The following SLC16A9 variants were observed in gnomAD, a reference collection of about 807,000 sequenced individuals.
SLC16A9 encodes the protein solute carrier family 16 member 9, also known as monocarboxylate transporter 9.
SLC16A9 carries 26 observed loss-of-function variants against 44.3 expected under a neutral mutation model. That is an observed-to-expected ratio of 0.59 (90% CI 0.43 to 0.81). The LOEUF (loss-of-function observed/expected upper bound fraction) is 0.81, where lower values mean the gene tolerates loss of function less well. SLC16A9 is among the 40% of genes least tolerant of loss of function. SLC16A9 has a pLI of 0.00. For synonymous variants in SLC16A9, 230 were observed against 225.1 expected, an observed-to-expected ratio of 1.02 and a Z score of -0.19; for missense variants, 559 against 595.8, an observed-to-expected ratio of 0.94 and a Z score of 0.64.
chr10:59,656,454 T>C (rs140031912), intron 4 of SLC16A9, among the ~76,000 whole-genome samples: 88 of 152,296 alleles, frequency 5.8e-4, no homozygotes, highest in African/African-American at 2.0e-3. Flanking sequence ...GTCAACATGA[T>C]GAAAATCAAT....
At chr10:59,682,736 A>G (rs1350716094) in intron 2 of SLC16A9, among the ~76,000 whole-genome samples, 5 of 152,218 alleles carry the variant, frequency 3.3e-5, no homozygotes, top group Admixed American at 6.5e-5. Flanking sequence ...TTAGAAATCA[A>G]TACATTCAAA....
chr10:59,674,742 C>G (rs1429856607), intron 2 of SLC16A9, among the ~76,000 whole-genome samples: 1 of 152,158 alleles, frequency 6.6e-6, no homozygotes, highest in Non-Finnish European at 1.5e-5. Context: ...GGAATTGAAA[C>G]ACACAGAGAT....
intron 1 of SLC16A9, among the ~76,000 whole-genome samples, chr10:59,703,927 T>A (rs921447340): frequency 2.0e-5 from 3 of 152,102 alleles, no homozygotes; most frequent in Admixed American, 6.5e-5. Flanking sequence ...TTTCGCCCTG[T>A]TAGCCAGGAT....
At chr10:59,659,147 T>C (rs1055784767) in intron 4 of SLC16A9, among the ~76,000 whole-genome samples, 8 of 152,224 alleles carry the variant, frequency 5.3e-5, no homozygotes, top group African/African-American at 1.4e-4. Flanking sequence ...TGCTTTTATA[T>C]TTAAAAATTA....
At chr10:59,682,530 C>G (rs1182212696) in intron 2 of SLC16A9, among the ~76,000 whole-genome samples, 1 of 152,168 alleles carries the variant, frequency 6.6e-6, no homozygotes, top group African/African-American at 2.4e-5. Context: ...GCCCTCTACT[C>G]CAACCTGGAC....
At position 59,654,240 on chromosome 10, in the gene SLC16A9, T is replaced by C. The variant is rs1468474082; in HGVS notation, c.786A>G (p.Thr262=). Reference sequence around the variant, plus strand: ...TCTTTTTGTACGTTTCAGGCTCTTTTGTGTGTGTCACTGTGGGGTTTTTAT... The same window carrying C: ...TCTTTTTGTACGTTTCAGGCTCTTTCGTGTGTGTCACTGTGGGGTTTTTAT... ...LLHKNPTVTH[T]KEPETYKKKV... Residue 262 remains threonine (T), a synonymous_variant, in exon 5 of 6, where the codon ACA becomes ACG. Transcript: ENST00000395348. 1.2e-6 allele frequency: 2 copies of C among 1,614,202 alleles called. No homozygotes were observed. The highest frequency in any genetic ancestry group is 1.7e-6 in the Non-Finnish European group (2 of 1,180,028).
Position 59,651,788 on chromosome 10 carries a change from C to CACAT in SLC16A9, c.*983_*984insATGT, listed in dbSNP as rs55858178. The stretch of plus-strand genomic sequence containing the variant: ...GCACACACACACACACACACACACA[C>CACAT]TCACGTTTAATTCTGCCCTTGAATT... On this transcript the variant is annotated 3_prime_UTR_variant, in exon 6 of 6. Transcript: ENST00000395348. 1 of 151,360 alleles carries CACAT rather than the reference C, an allele frequency of 6.6e-6. No homozygotes were observed. Among genetic ancestry groups the CACAT allele is most frequent in the Admixed American group, 6.6e-5 (1 of 15,164 alleles). The allele number at this position is 151,360 out of a possible 1,614,324, so 9.4% of individuals were successfully genotyped here.
intron 1 of SLC16A9, among the ~76,000 whole-genome samples, chr10:59,704,998 G>A (rs1840607017): frequency 6.6e-6 from 1 of 152,090 alleles, no homozygotes; most frequent in South Asian, 2.1e-4. Context: ...CTGGTGATTT[G>A]GGGAGTTTAT....
intron 1 of SLC16A9, among the ~76,000 whole-genome samples, chr10:59,688,070 C>A (rs1263809789): frequency 6.6e-6 from 1 of 152,130 alleles, no homozygotes; most frequent in Non-Finnish European, 1.5e-5. Context: ...ACCTTCAGGT[C>A]CCCAGCAGGG....
rs769038862 is a variant in SLC16A9 at position 59,672,849 on chromosome 10, G to C, written c.261C>G (p.Phe87Leu). ...TCAACATCAGGCCTCCAGCCACCAT[G>C]AAGCCACTGAAGATTGTGACAGGTC... ...GARPVTIFSG[F>L]MVAGGLMLSS... The change falls in exon 3 of 6, where the codon TTC becomes TTG. Residue 87 changes from phenylalanine (F) to leucine (L), a missense_variant. Phe to Leu is a conservative substitution (Grantham distance 22). Coordinates refer to ENST00000395348, the MANE Select transcript of SLC16A9 (RefSeq NM_194298.3). 6.2e-6 allele frequency: 10 copies of C among 1,613,826 alleles called. 1 individual carries two copies. The South Asian group carries it at 1.1e-4, about 18-fold the overall frequency.
At chr10:59,700,090 T>C (rs967003991) in intron 1 of SLC16A9, among the ~76,000 whole-genome samples, 2 of 152,054 alleles carry the variant, frequency 1.3e-5, no homozygotes, top group Non-Finnish European at 2.9e-5. Flanking sequence ...AGAATGACAA[T>C]CATAGGCTGC....
At chr10:59,681,191 T>C (rs1271771120) in intron 2 of SLC16A9, among the ~76,000 whole-genome samples, 2 of 152,026 alleles carry the variant, frequency 1.3e-5, no homozygotes, top group Non-Finnish European at 2.9e-5. Context: ...GTACTAATGA[T>C]CCACTTGTTT....
chr10:59,666,730 C>T (rs1195815155), intron 3 of SLC16A9, among the ~76,000 whole-genome samples: 4 of 152,038 alleles, frequency 2.6e-5, no homozygotes, highest in South Asian at 2.1e-4. Flanking sequence ...AATATAACAT[C>T]GTTTTATTTG....
intron 3 of SLC16A9, 147 bp downstream of exon 3, chr10:59,672,623 C>T: frequency 2.5e-6 from 2 of 811,342 alleles, no homozygotes; most frequent in East Asian, 5.9e-5. Context: ...TTCACTAAAG[C>T]AACAGTTTTT....
intron 1 of SLC16A9, among the ~76,000 whole-genome samples, chr10:59,686,910 G>C (rs73265535): frequency 2.0e-5 from 3 of 152,278 alleles, no homozygotes; most frequent in Admixed American, 1.3e-4. Flanking sequence ...ACCAGTGTCA[G>C]GCACATAGGC....
chr10:59,699,306 GGTATTATGTA>G (rs1422490748), intron 1 of SLC16A9, among the ~76,000 whole-genome samples: 4 of 152,172 alleles, frequency 2.6e-5, no homozygotes, highest in Non-Finnish European at 5.9e-5. Flanking sequence ...ATTTGGTAAA[GGTATTATGTA>G]GTTCAAAAGA....
At chr10:59,673,475 C>T (rs777554772) in intron 2 of SLC16A9, among the ~76,000 whole-genome samples, 2 of 152,064 alleles carry the variant, frequency 1.3e-5, no homozygotes, top group African/African-American at 2.4e-5. Context: ...AATAAAAGGA[C>T]GTTAAGGGTT....
Position 59,665,464 on chromosome 10 carries a change from GCA to G in SLC16A9, c.341-1144_341-1143del, listed in dbSNP as rs576607987. Among the ~76,000 whole-genome samples, 46 of 152,256 alleles carry G rather than the reference GCA, an allele frequency of 3.0e-4. No individual in the cohort carries two copies. In the South Asian group the frequency reaches 6.4e-3, roughly 21 times the overall value. On this transcript the variant is annotated intron_variant, in intron 3 of 5. Coordinates refer to ENST00000395348, the MANE Select transcript of SLC16A9 (RefSeq NM_194298.3). ...ATGACTCAGATGATTATCCATAATT[GCA>G]CACAGAGTCTTATTAATGAAATGAG...
In SLC16A9 at chr10:59,652,642, T is replaced by A; in HGVS notation, c.*130A>T. On this transcript the variant is annotated 3_prime_UTR_variant, in exon 6 of 6. Coordinates refer to ENST00000395348, the MANE Select transcript of SLC16A9 (RefSeq NM_194298.3). ...GGATATATAAAAAAAAATAATTCAT[T>A]CAGAGTCAGTCATTGTGAAATTTTG... is the stretch of plus-strand genomic sequence containing the variant. 7 of 752,676 alleles carry A rather than the reference T, an allele frequency of 9.3e-6. No homozygotes were observed. In the South Asian group the frequency reaches 1.6e-4, roughly 17 times the overall value. 46.6% of individuals were successfully genotyped at this position (752,676 alleles called of 1,614,324 possible).
Sources: gnomAD v4.1 joint callset for allele counts (sites outside exome capture counted in the v4.1 genomes callset) on GRCh38, gnomAD v4.1.1 for gene constraint, MANE v1.5 for transcripts, NCBI Gene and HGNC (gene_info 2026-07-23, HGNC 2026-07-21) for gene names.